The following DHX9 variants were observed in gnomAD, a reference collection of about 807,000 sequenced individuals.
DHX9 encodes the protein ATP-dependent RNA helicase A.
A neutral mutation model predicts 148.7 loss-of-function variants in DHX9; 27 were observed. That is an observed-to-expected ratio of 0.18 (90% CI 0.13 to 0.25). The LOEUF is 0.25. Among genes scored for constraint, DHX9 ranks in the 10% least tolerant of loss-of-function variants. DHX9 has a pLI of 1.00. For synonymous variants in DHX9, 529 were observed against 516.6 expected, an observed-to-expected ratio of 1.02 and a Z score of -0.33; for missense variants, 796 against 1,559.6, an observed-to-expected ratio of 0.51 and a Z score of 8.25.
intron 21 of DHX9, among the ~76,000 whole-genome samples, chr1:182,879,871 A>T (rs1421091194): frequency 6.6e-6 from 1 of 151,974 alleles, no homozygotes; most frequent in South Asian, 2.1e-4. Context: ...GACTACAGGC[A>T]TACACCACCA....
At chr1:182,840,361 G>A (rs1309385854) in intron 1 of DHX9, among the ~76,000 whole-genome samples, 1 of 147,712 alleles carries the variant, frequency 6.8e-6, no homozygotes, top group East Asian at 2.0e-4. Flanking sequence ...GTGCAGTGGC[G>A]CGATGGCGGC....
At chr1:182,882,141 A>G (rs781777265) in intron 24 of DHX9, among the ~76,000 whole-genome samples, 1 of 152,242 alleles carries the variant, frequency 6.6e-6, no homozygotes, top group Non-Finnish European at 1.5e-5. Context: ...TGGAATAACT[A>G]AACAAAGTAG....
At chr1:182,841,591 C>G (rs1409243173) in intron 1 of DHX9, among the ~76,000 whole-genome samples, 1 of 152,182 alleles carries the variant, frequency 6.6e-6, no homozygotes. Context: ...CAAATTTATG[C>G]TAGGGGTGCA....
At chr1:182,841,013 G>A (rs1667916321) in intron 1 of DHX9, among the ~76,000 whole-genome samples, 1 of 152,158 alleles carries the variant, frequency 6.6e-6, no homozygotes, top group Non-Finnish European at 1.5e-5. Context: ...GAAACGACGG[G>A]CGGGCGCGGT....
At chr1:182,886,339 GCA>G (rs1305020718) in intron 27 of DHX9, among the ~76,000 whole-genome samples, 1 of 151,946 alleles carries the variant, frequency 6.6e-6, no homozygotes, top group East Asian at 1.9e-4. Flanking sequence ...GGGATTACAG[GCA>G]CACACTGCCA....
At chr1:182,881,489 G>A in intron 23 of DHX9, 31 bp from the exon 24 acceptor site, 4 of 1,608,356 alleles carry the variant, frequency 2.5e-6, no homozygotes, top group Non-Finnish European at 3.4e-6. Flanking sequence ...TCTGGTCTTA[G>A]AGAATGATTT....
chr1:182,847,815 T>A (rs756107424), intron 3 of DHX9, among the ~76,000 whole-genome samples: 5 of 152,186 alleles, frequency 3.3e-5, no homozygotes, highest in Non-Finnish European at 7.3e-5. Flanking sequence ...TCTACCTGCT[T>A]TTTTCGTTCA....
chr1:182,883,133 T>G lies in DHX9; in HGVS notation c.2915-6T>G. ...ATTTTTGTTTTCACTGTGCTCCTCT[T>G]AACAGATTGTTTGTTGACACAAGTG... On this transcript the variant is annotated splice_polypyrimidine_tract_variant and splice_region_variant and intron_variant, in intron 24 of 27. Transcript: ENST00000367549. The G allele has an allele frequency of 1.2e-6, 2 of 1,609,488 alleles. No individual in the cohort carries two copies. Among genetic ancestry groups the G allele is most frequent in the South Asian group, 2.2e-5 (2 of 90,968 alleles).
At chr1:182,885,442 A>G (rs541318850) in intron 27 of DHX9, among the ~76,000 whole-genome samples, 1 of 152,296 alleles carries the variant, frequency 6.6e-6, no homozygotes, top group East Asian at 1.9e-4. Context: ...AATATTTGTG[A>G]TGAAGTAGCA....
chr1:182,858,523 T>G (rs1360565026), intron 8 of DHX9, 28 bp from the exon 9 acceptor site: 2 of 1,565,496 alleles, frequency 1.3e-6, no homozygotes, highest in South Asian at 2.3e-5. Context: ...TTGAGTAGTG[T>G]TGTTAATGTG....
At chr1:182,883,681 C>T (rs1279937346) in intron 26 of DHX9, 46 bp downstream of exon 26, 6 of 1,376,778 alleles carry the variant, frequency 4.4e-6, no homozygotes, top group African/African-American at 1.4e-5. Context: ...CTTAGAATTA[C>T]AATATGATGG....
intron 15 of DHX9, among the ~76,000 whole-genome samples, chr1:182,873,515 G>A (rs1648633384): frequency 6.6e-6 from 1 of 152,206 alleles, no homozygotes; most frequent in Admixed American, 6.5e-5. Flanking sequence ...CAAGTGGTGG[G>A]AGCTCAGTTT....
At position 182,887,145 on chromosome 1, in the gene DHX9, G is replaced by A; in HGVS notation, c.3524G>A (p.Arg1175Lys). The change falls in exon 28 of 28, where the codon AGG becomes AAG. Residue 1175 changes from arginine to lysine, a missense_variant. By Grantham distance (26) the Arg-to-Lys change is conservative. Transcript: ENST00000367549. Reference sequence around the variant, plus strand: ...TACGACAATGGAAGCGGATATAGAAGGGGAGGTTCTAGTTACAGTGGTGGA... The same window carrying A: ...TACGACAATGGAAGCGGATATAGAAAGGGAGGTTCTAGTTACAGTGGTGGA... Reference protein sequence around the residue: ...ARYDNGSGYRRGGSSYSGGGY... With the variant: ...ARYDNGSGYRKGGSSYSGGGY... 6.2e-7 allele frequency: 1 copy of A among 1,614,208 alleles called. No homozygotes were observed. Among genetic ancestry groups the A allele is most frequent in the South Asian group, 1.1e-5 (1 of 91,086 alleles).
At chr1:182,884,555 A>G (rs1649232881) in intron 26 of DHX9, 58 bp from the exon 27 acceptor site, 3 of 1,439,716 alleles carry the variant, frequency 2.1e-6, no homozygotes, top group Non-Finnish European at 2.9e-6. Context: ...GTTGAGAGAT[A>G]ATGGTCTTTT....
At chr1:182,863,924 G>A (rs1648149830) in intron 12 of DHX9, among the ~76,000 whole-genome samples, 3 of 152,062 alleles carry the variant, frequency 2.0e-5, no homozygotes, top group African/African-American at 7.3e-5. Flanking sequence ...TGTAATTACA[G>A]CACTTTGAGA....
intron 15 of DHX9, among the ~76,000 whole-genome samples, chr1:182,874,235 C>T (rs1648668088): frequency 6.6e-6 from 1 of 152,150 alleles, no homozygotes; most frequent in Non-Finnish European, 1.5e-5. Flanking sequence ...AGTAACTTTA[C>T]AGTGGAGAAA....
intron 11 of DHX9, 35 bp downstream of exon 11, chr1:182,859,152 A>AG: frequency 6.3e-7 from 1 of 1,586,074 alleles, no homozygotes; most frequent in Non-Finnish European, 8.7e-7. Context: ...TAGTGCTCAG[A>AG]GCTTCAGAAT....
chr1:182,858,460 G>A (rs1182606959), intron 8 of DHX9, 91 bp from the exon 9 acceptor site: 4 of 1,207,374 alleles, frequency 3.3e-6, no homozygotes, highest in Non-Finnish European at 4.7e-6. Context: ...ATTGGTTTAG[G>A]AATATTGTAG....
chr1:182,872,624 T>C lies in DHX9; in HGVS notation c.1714+131T>C. The C allele has an allele frequency of 2.9e-6, 3 of 1,045,058 alleles. No homozygotes were observed. The South Asian group carries it at 5.1e-5, about 18-fold the overall frequency. 64.7% of individuals were successfully genotyped at this position (1,045,058 alleles called of 1,614,324 possible). A position where few individuals can be genotyped will look rare whatever the true frequency, so the allele number is the denominator to read the frequency against. On this transcript the variant is annotated intron_variant, in intron 15 of 27. Transcript: ENST00000367549. ...ACAAATTATAGTATCAAATGTATCA[T>C]AGCATTTTTGAGGAGTTTCTCTTCT...
Sources: allele counts gnomAD v4.1 joint callset (sites outside exome capture counted in the v4.1 genomes callset), GRCh38; gene constraint gnomAD v4.1.1; transcripts MANE v1.5; gene names NCBI Gene and HGNC (gene_info 2026-07-23, HGNC 2026-07-21).